TMEM79: variants seen among roughly 807,000 people sequenced by gnomAD.
TMEM79 encodes mattrin.
TMEM79 carries 30 observed loss-of-function variants against 31.2 expected under a neutral mutation model. That is an observed-to-expected ratio of 0.96 (90% CI 0.72 to 1.30). TMEM79 has a LOEUF of 1.30. Ranked by LOEUF, TMEM79 falls within the 50% of genes most tolerant of loss-of-function variation. TMEM79 has a pLI of 0.00. For synonymous variants in TMEM79, 213 were observed against 229.5 expected, an observed-to-expected ratio of 0.93 and a Z score of 0.65; for missense variants, 509 against 528.2, an observed-to-expected ratio of 0.96 and a Z score of 0.36.
In TMEM79 at chr1:156,285,919, C is replaced by A. The variant is rs1402993402; in HGVS notation, c.693C>A (p.Thr231=). 3 of 1,549,058 alleles carry A rather than the reference C, an allele frequency of 1.9e-6. No individual in the cohort carries two copies. Among genetic ancestry groups the A allele is most frequent in the Non-Finnish European group, 2.6e-6 (3 of 1,146,562 alleles). ...CGTTTGATGTCCCACGGCTGCCCACCATGAGTTCCCGCCTGATCTACACAC... is the reference window on the plus strand; with the variant it reads ...CGTTTGATGTCCCACGGCTGCCCACAATGAGTTCCCGCCTGATCTACACAC... ...FLPFDVPRLP[T]MSSRLIYTLR... is the part of the protein sequence containing the mutation. Residue 231 remains threonine (T), a synonymous_variant, in exon 2 of 4, where the codon ACC becomes ACA. Coordinates refer to ENST00000405535, the MANE Select transcript of TMEM79 (RefSeq NM_032323.3).
intron 1 of TMEM79, among the ~76,000 whole-genome samples, chr1:156,284,681 C>T (rs1472954709): frequency 6.6e-6 from 1 of 152,140 alleles, no homozygotes; most frequent in Non-Finnish European, 1.5e-5. Flanking sequence ...CTCTTTGGGT[C>T]AGATCAGTTG....
Position 156,291,461 on chromosome 1 carries a change from C to T in TMEM79, c.1048C>T (p.Leu350=), listed in dbSNP as rs768503412. ...CTACGGCCTGACGTTTCTGCCACTG[C>T]TGTCGATGCTGATGTGGAACCTCTA... is the stretch of plus-strand genomic sequence containing the variant. ...FGYGLTFLPL[L]SMLMWNLYYM... Residue 350 remains leucine (L), a synonymous_variant, in exon 4 of 4, where the codon CTG becomes TTG. Transcript: ENST00000405535. The T allele has an allele frequency of 6.2e-7, 1 of 1,613,858 alleles. No homozygotes were observed. Among genetic ancestry groups the T allele is most frequent in the Non-Finnish European group, 8.5e-7 (1 of 1,180,040 alleles).
At chr1:156,286,024 T>A (rs1558251295) in intron 2 of TMEM79, 41 bp downstream of exon 2, 1 of 1,571,898 alleles carries the variant, frequency 6.4e-7, no homozygotes. Flanking sequence ...GAAGTGGACT[T>A]GAGGAGGGCA....
At position 156,285,710 on chromosome 1, in the gene TMEM79, C is replaced by A; in HGVS notation, c.484C>A (p.Pro162Thr). The A allele has an allele frequency of 3.1e-6, 5 of 1,613,386 alleles. No homozygotes were observed. The highest frequency in any genetic ancestry group is 4.2e-6 in the Non-Finnish European group (5 of 1,180,028). Residue 162 changes from proline to threonine, a missense_variant, in exon 2 of 4, where the codon CCC (proline) becomes ACC (threonine). Physicochemically the swap from Pro to Thr is conservative, Grantham distance 38 (BLOSUM62 -1). Coordinates refer to ENST00000405535, the MANE Select transcript of TMEM79 (RefSeq NM_032323.3). ...GEGECRTFMP[P>T]RVTHPDPTER... is the part of the protein sequence containing the mutation. The stretch of plus-strand genomic sequence containing the variant: ...GGGCGAGTGCCGAACCTTCATGCCC[C>A]CCCGGGTCACCCACCCCGACCCCAC...
Position 156,291,467 on chromosome 1 carries a change from A to T in TMEM79, c.1054A>T (p.Met352Leu). ...YGLTFLPLLS[M>L]LMWNLYYMFV... ...CCTGACGTTTCTGCCACTGCTGTCG[A>T]TGCTGATGTGGAACCTCTACTACAT... is the stretch of plus-strand genomic sequence containing the variant. The change falls in exon 4 of 4, where the codon ATG becomes TTG. Residue 352 changes from methionine (M) to leucine (L), a missense_variant. Coordinates refer to ENST00000405535, the MANE Select transcript of TMEM79 (RefSeq NM_032323.3). 1 of 1,613,434 alleles carries T rather than the reference A, an allele frequency of 6.2e-7. No individual in the cohort carries two copies. The highest frequency in any genetic ancestry group is 8.5e-7 in the Non-Finnish European group (1 of 1,179,958).
At chr1:156,286,559 G>T in intron 3 of TMEM79, 86 bp downstream of exon 3, 1 of 1,377,440 alleles carries the variant, frequency 7.3e-7, no homozygotes. Flanking sequence ...CCAGGGTCAG[G>T]AGCTTTCCGG....
At position 156,291,461 on chromosome 1, in the gene TMEM79, C is replaced by G. The variant is rs768503412; in HGVS notation, c.1048C>G (p.Leu350Val). 2 of 1,613,858 alleles carry G rather than the reference C, an allele frequency of 1.2e-6. No individual in the cohort carries two copies. The highest frequency in any genetic ancestry group is 3.3e-5 in the Admixed American group (2 of 60,024). Residue 350 changes from leucine to valine, a missense_variant, in exon 4 of 4, where the codon CTG (leucine) becomes GTG (valine). Transcript: ENST00000405535. ...CTACGGCCTGACGTTTCTGCCACTG[C>G]TGTCGATGCTGATGTGGAACCTCTA... is the stretch of plus-strand genomic sequence containing the variant. ...FGYGLTFLPLLSMLMWNLYYM... is the reference protein window; with the variant it reads ...FGYGLTFLPLVSMLMWNLYYM...
chr1:156,288,255 G>A (rs61814772), intron 3 of TMEM79, among the ~76,000 whole-genome samples: 4,923 of 149,062 alleles, frequency 0.033, 119 homozygotes, highest in Middle Eastern at 0.053. Flanking sequence ...TGTTAATCTA[G>A]AAGGCACCTT....
Position 156,291,702 on chromosome 1 carries a change from G to A in TMEM79, c.*104G>A, listed in dbSNP as rs1184299006. 9.9e-7 allele frequency: 1 copy of A among 1,008,076 alleles called. No homozygotes were observed. The highest frequency in any genetic ancestry group is 1.5e-6 in the Non-Finnish European group (1 of 658,702). The allele number at this position is 1,008,076 out of a possible 1,614,324, so 62.4% of individuals were successfully genotyped here. A position where few individuals can be genotyped will look rare whatever the true frequency, so the allele number is the denominator to read the frequency against. On this transcript the variant is annotated 3_prime_UTR_variant, in exon 4 of 4. Transcript: ENST00000405535. Reference sequence around the variant, plus strand: ...ACTTCGCCCCCAGGCCTAGGACCGCGGTGGGTGGAACCCTGCTACTGCCCC... The same window carrying A: ...ACTTCGCCCCCAGGCCTAGGACCGCAGTGGGTGGAACCCTGCTACTGCCCC...
chr1:156,290,040 T>C (rs1663272792), intron 3 of TMEM79: 1 of 152,248 alleles, frequency 6.6e-6, no homozygotes, highest in African/African-American at 2.4e-5. Flanking sequence ...CCTTGGAATC[T>C]TAGTTTCTTC....
chr1:156,291,570 C>G lies in TMEM79; in HGVS notation c.1157C>G (p.Ser386Cys). 6.2e-7 allele frequency: 1 copy of G among 1,611,296 alleles called. No individual in the cohort carries two copies. Among genetic ancestry groups the G allele is most frequent in the Non-Finnish European group, 8.5e-7 (1 of 1,179,990 alleles). Reference protein sequence around the residue: ...LDYPDHARSASDYRPRPWG With the variant: ...LDYPDHARSACDYRPRPWG ...TACCCGGACCACGCCCGCTCGGCCT[C>G]CGACTACAGGCCCCGCCCCTGGGGC... Residue 386 changes from serine to cysteine, a missense_variant, in exon 4 of 4, where the codon TCC becomes TGC. By Grantham distance (112) the Ser-to-Cys change is moderately radical. Transcript: ENST00000405535.
rs755892853 is a variant in TMEM79, at chr1:156,291,618, C to T, written c.*20C>T. ...GGCTGAGCCTCTCCGCCCTCGCCCT[C>T]GGAGTAGGGGGTAGCGGCTTGGGTC... On this transcript the variant is annotated 3_prime_UTR_variant, in exon 4 of 4. Coordinates refer to ENST00000405535, the MANE Select transcript of TMEM79 (RefSeq NM_032323.3). 6 of 1,607,562 alleles carry T rather than the reference C, an allele frequency of 3.7e-6. No homozygotes were observed. In the South Asian group the frequency reaches 6.6e-5, roughly 18 times the overall value.
At chr1:156,284,988 G>A (rs1051227204) in intron 1 of TMEM79, among the ~76,000 whole-genome samples, 196 bp from the exon 2 acceptor site, 1 of 152,110 alleles carries the variant, frequency 6.6e-6, no homozygotes, top group Non-Finnish European at 1.5e-5. Flanking sequence ...TCGAAAGGGT[G>A]CCTCCATTTC....
At chr1:156,288,991 G>T (rs1321733496) in intron 3 of TMEM79, among the ~76,000 whole-genome samples, 2 of 152,220 alleles carry the variant, frequency 1.3e-5, no homozygotes, top group Non-Finnish European at 2.9e-5. Flanking sequence ...ATTAGGGGAA[G>T]AGAGTTGCTC....
chr1:156,289,929 G>T (rs909457775), intron 3 of TMEM79, among the ~76,000 whole-genome samples: 6 of 152,144 alleles, frequency 3.9e-5, no homozygotes, highest in Non-Finnish European at 7.3e-5. Context: ...CTTTACCTCT[G>T]CCCCTCAAAT....
Position 156,291,697 on chromosome 1 carries a change from A to C in TMEM79, c.*99A>C, listed in dbSNP as rs1371891342. The C allele has an allele frequency of 1.8e-6, 2 of 1,130,064 alleles. No homozygotes were observed. Among genetic ancestry groups the C allele is most frequent in the Admixed American group, 1.9e-5 (1 of 51,402 alleles). 70.0% of individuals were successfully genotyped at this position (1,130,064 alleles called of 1,614,324 possible). On this transcript the variant is annotated 3_prime_UTR_variant, in exon 4 of 4. Transcript: ENST00000405535. ...CCTGGACTTCGCCCCCAGGCCTAGGACCGCGGTGGGTGGAACCCTGCTACT... is the reference window on the plus strand; with the variant it reads ...CCTGGACTTCGCCCCCAGGCCTAGGCCCGCGGTGGGTGGAACCCTGCTACT...
chr1:156,291,973 C>G lies in TMEM79; in HGVS notation c.*375C>G. On this transcript the variant is annotated 3_prime_UTR_variant, in exon 4 of 4. Transcript: ENST00000405535. ...GTCTCTGCTCCACTCCCCGGCTTCC[C>G]GTGAGGCAGGAGGCAGAGCCACAGC... is the stretch of plus-strand genomic sequence containing the variant. 2.1e-6 allele frequency: 1 copy of G among 473,304 alleles called. No homozygotes were observed. The highest frequency in any genetic ancestry group is 3.8e-6 in the Non-Finnish European group (1 of 264,026). 29.3% of individuals were successfully genotyped at this position (473,304 alleles called of 1,614,324 possible). A position where few individuals can be genotyped will look rare whatever the true frequency, so the allele number is the denominator to read the frequency against.
At chr1:156,283,082 G>C (rs1308350600), upstream of TMEM79, 3 of 394,532 alleles carry the variant, frequency 7.6e-6, no homozygotes, top group Non-Finnish European at 1.4e-5. Context: ...TTACAGCTAG[G>C]AGCGTGACTG....
At chr1:156,287,193 G>A (rs183038597) in intron 3 of TMEM79, among the ~76,000 whole-genome samples, 379 of 151,826 alleles carry the variant, frequency 2.5e-3, no homozygotes, top group Non-Finnish European at 4.3e-3. Context: ...GAGGTGGGTG[G>A]ATCACAATGT....
Sources: gnomAD v4.1 joint callset for allele counts (sites outside exome capture counted in the v4.1 genomes callset) on GRCh38, gnomAD v4.1.1 for gene constraint, MANE v1.5 for transcripts, NCBI Gene and HGNC (gene_info 2026-07-23, HGNC 2026-07-21) for gene names.